Variants in RNF220 observed in about 807,000 individuals in gnomAD.
RNF220 encodes the protein E3 ubiquitin-protein ligase RNF220.
Under a neutral mutation model 67.1 loss-of-function variants are expected in RNF220, and 7 were observed. The observed-to-expected ratio is 0.10, with a 90% confidence interval of 0.06 to 0.20. RNF220 has a LOEUF of 0.20. RNF220 is among the 10% of genes least tolerant of loss of function. RNF220 has a pLI of 1.00. For synonymous variants in RNF220, 270 were observed against 283.2 expected, an observed-to-expected ratio of 0.95 and a Z score of 0.47; for missense variants, 565 against 740.3, an observed-to-expected ratio of 0.76 and a Z score of 2.75.
chr1:44,570,626 C>T (rs902843903), intron 2 of RNF220, among the ~76,000 whole-genome samples: 2 of 152,148 alleles, frequency 1.3e-5, no homozygotes, highest in African/African-American at 2.4e-5. Flanking sequence ...TCCAATGTAT[C>T]AGGAATGGGA....
chr1:44,539,083 TGG>T (rs1661471417), intron 2 of RNF220, among the ~76,000 whole-genome samples: 2 of 152,016 alleles, frequency 1.3e-5, no homozygotes, highest in Admixed American at 1.3e-4. Flanking sequence ...TAGCCAGGCA[TGG>T]TTGTGGGCAC....
intron 2 of RNF220, among the ~76,000 whole-genome samples, chr1:44,531,268 C>A (rs1660809545): frequency 6.6e-6 from 1 of 152,204 alleles, no homozygotes; most frequent in Non-Finnish European, 1.5e-5. Flanking sequence ...TTCTTCTGTC[C>A]CATTTCTCAT....
chr1:44,485,067 C>T (rs1029238107), intron 2 of RNF220, among the ~76,000 whole-genome samples: 16 of 152,248 alleles, frequency 1.1e-4, no homozygotes, highest in Admixed American at 2.0e-4. Flanking sequence ...ACCCGGGAGG[C>T]GGAGGTTACA....
chr1:44,633,348 GA>G (rs1258741041), intron 6 of RNF220, among the ~76,000 whole-genome samples: 1 of 152,182 alleles, frequency 6.6e-6, no homozygotes, highest in Admixed American at 6.5e-5. Flanking sequence ...TGATTCAATT[GA>G]AGTTTGTTTC....
chr1:44,488,495 A>G (rs956123765), intron 2 of RNF220, among the ~76,000 whole-genome samples: 2 of 151,736 alleles, frequency 1.3e-5, no homozygotes, highest in African/African-American at 4.8e-5. Flanking sequence ...TTTTATTTTT[A>G]CTAGAGATGG....
At chr1:44,590,612 G>A (rs1385331629) in intron 2 of RNF220, among the ~76,000 whole-genome samples, 1 of 152,230 alleles carries the variant, frequency 6.6e-6, no homozygotes, top group Non-Finnish European at 1.5e-5. Flanking sequence ...GGCAGGCTCT[G>A]TTCTTTCAGT....
intron 5 of RNF220, among the ~76,000 whole-genome samples, chr1:44,627,544 C>T (rs1004598070): frequency 3.9e-5 from 6 of 152,092 alleles, no homozygotes; most frequent in Middle Eastern, 3.4e-3. Context: ...TAGCTATAAA[C>T]GGACCTTCTC....
intron 2 of RNF220, among the ~76,000 whole-genome samples, chr1:44,522,660 G>C (rs1394133296): frequency 6.6e-6 from 1 of 152,032 alleles, no homozygotes; most frequent in Non-Finnish European, 1.5e-5. Flanking sequence ...TCCTGGGGGG[G>C]CGGGGGGACC....
At chr1:44,520,163 G>T (rs1659815390) in intron 2 of RNF220, among the ~76,000 whole-genome samples, 1 of 150,520 alleles carries the variant, frequency 6.6e-6, no homozygotes, top group South Asian at 2.1e-4. Flanking sequence ...GAGATTGTAA[G>T]AAACTACATG....
chr1:44,471,205 C>A lies in RNF220; in HGVS notation c.625+58483C>A, dbSNP rs893686017. Among the ~76,000 whole-genome samples, 4 of 152,136 alleles carry A rather than the reference C, an allele frequency of 2.6e-5. No individual in the cohort carries two copies. In the South Asian group the frequency reaches 6.2e-4, roughly 24 times the overall value. ...CTTTGGGAGTCCGAGGCTGGTGGAT[C>A]ACCTGAGGTCAGGAGTTCGAGACCA... On this transcript the variant is annotated intron_variant, in intron 2 of 14. Transcript: ENST00000361799.
chr1:44,590,862 T>C (rs1327114233), intron 2 of RNF220, among the ~76,000 whole-genome samples: 3 of 152,250 alleles, frequency 2.0e-5, no homozygotes, highest in African/African-American at 4.8e-5. Context: ...ATGCTTCTGA[T>C]AGTACTGCCT....
chr1:44,467,304 C>G (rs1433913210), intron 2 of RNF220, among the ~76,000 whole-genome samples: 2 of 152,234 alleles, frequency 1.3e-5, no homozygotes, highest in African/African-American at 2.4e-5. Flanking sequence ...CTCCACCTCC[C>G]AGGTTCAAGC....
Position 44,650,570 on chromosome 1 carries a change from G to A in RNF220, c.1630-134G>A, listed in dbSNP as rs1043467401. 60 of 918,512 alleles carry A rather than the reference G, an allele frequency of 6.5e-5. No homozygotes were observed. The highest frequency in any genetic ancestry group is 9.0e-5 in the Non-Finnish European group (53 of 589,116). The allele number at this position is 918,512 out of a possible 1,614,324, so 56.9% of individuals were successfully genotyped here. A position where few individuals can be genotyped will look rare whatever the true frequency, so the allele number is the denominator to read the frequency against. The stretch of plus-strand genomic sequence containing the variant: ...GCCTGCTCACAGAAGCTGCCTATGC[G>A]TCCCCAGCCTGGGCTGACAGGACCA... On this transcript the variant is annotated intron_variant, in intron 14 of 14. Transcript: ENST00000361799. This position sits in a 1 kb window ranked among gnomAD's most constrained non-coding sequence, Gnocchi z 4.3.
At chr1:44,461,666 G>A (rs1168808817) in intron 2 of RNF220, among the ~76,000 whole-genome samples, 1 of 152,152 alleles carries the variant, frequency 6.6e-6, no homozygotes, top group East Asian at 1.9e-4. Flanking sequence ...CTAATTAACT[G>A]GGTCAGGCCA....
At chr1:44,431,581 G>A (rs1270718781) in intron 2 of RNF220, among the ~76,000 whole-genome samples, 1 of 151,622 alleles carries the variant, frequency 6.6e-6, no homozygotes, top group Non-Finnish European at 1.5e-5. Flanking sequence ...CAGCAGATGT[G>A]AGTGCTAAAT....
intron 2 of RNF220, among the ~76,000 whole-genome samples, chr1:44,498,633 C>G (rs981462184): frequency 6.6e-6 from 1 of 152,126 alleles, no homozygotes; most frequent in African/African-American, 2.4e-5. Flanking sequence ...TCATCTGACC[C>G]CATGTCTGAC....
Position 44,632,400 on chromosome 1 carries a change from G to GCCCCAGCCCCCCCCCC in RNF220, c.949+19_949+20insAGCCCCCCCCCCCCCC. 1 of 1,607,450 alleles carries GCCCCAGCCCCCCCCCC rather than the reference G, an allele frequency of 6.2e-7. No homozygotes were observed. Among genetic ancestry groups the GCCCCAGCCCCCCCCCC allele is most frequent in the Non-Finnish European group, 8.5e-7 (1 of 1,177,490 alleles). On this transcript the variant is annotated intron_variant, in intron 6 of 14. Coordinates refer to ENST00000361799, the MANE Select transcript of RNF220 (RefSeq NM_018150.4). Reference sequence around the variant, plus strand: ...CCGACTGAATGGTGAGTCCTGCCCGGCCCCTCCCTCCGCCCCACCCCCGGC... The same window carrying GCCCCAGCCCCCCCCCC: ...CCGACTGAATGGTGAGTCCTGCCCGGCCCCAGCCCCCCCCCCCCCCTCCCTCCGCCCCACCCCCGGC...
intron 8 of RNF220, among the ~76,000 whole-genome samples, chr1:44,639,762 CTTCTTTTCTT>C (rs915092631): frequency 3.9e-5 from 6 of 152,046 alleles, no homozygotes; most frequent in Admixed American, 3.3e-4. Context: ...AATCTTTTCT[CTTCTTTTCTT>C]TTCTTTTCCT....
chr1:44,418,644 A>G (rs975311106), intron 2 of RNF220, among the ~76,000 whole-genome samples: 14 of 5,650 alleles, frequency 2.5e-3, no homozygotes, highest in African/African-American at 3.2e-3. Flanking sequence ...TTTGAAAACA[A>G]AAAAAAAAAC....
Sources: gnomAD v4.1 joint callset for allele counts (sites outside exome capture counted in the v4.1 genomes callset) on GRCh38, gnomAD v4.1.1 for gene constraint, Gnocchi (gnomAD v3.1) non-coding constraint, MANE v1.5 for transcripts, NCBI Gene and HGNC (gene_info 2026-07-23, HGNC 2026-07-21) for gene names.